Variants in AUTS2 observed in about 807,000 individuals in gnomAD.
AUTS2 encodes the protein activator of transcription and developmental regulator AUTS2.
In AUTS2, 17 loss-of-function variants were observed where a neutral mutation model predicts 112.4. The ratio of observed to expected loss-of-function variants is 0.15; its 90% CI spans 0.10 to 0.23. The LOEUF (loss-of-function observed/expected upper bound fraction) is 0.23. Ranked by LOEUF, AUTS2 falls within the 10% of genes least tolerant of loss-of-function variation. AUTS2 has a pLI of 1.00. For missense variants in AUTS2, 1,510 were observed against 1,701.6 expected (o/e 0.89, Z 1.98); for synonymous variants, 751 against 702.7 (o/e 1.07, Z -1.09).
intron 4 of AUTS2, among the ~76,000 whole-genome samples, chr7:70,407,138 G>A (rs905081646): frequency 1.3e-5 from 2 of 152,236 alleles, no homozygotes; most frequent in African/African-American, 4.8e-5. Context: ...GGACCCAGTT[G>A]ATAGCTGCTG....
At chr7:70,496,849 TCACA>T (rs1245890026) in intron 5 of AUTS2, among the ~76,000 whole-genome samples, 3 of 67,642 alleles carry the variant, frequency 4.4e-5, no homozygotes, top group Admixed American at 1.8e-4. Context: ...ACGTACACAG[TCACA>T]CACACACACA....
intron 1 of AUTS2, among the ~76,000 whole-genome samples, chr7:69,799,456 C>G (rs1199978243): frequency 6.6e-6 from 1 of 152,104 alleles, no homozygotes; most frequent in Non-Finnish European, 1.5e-5. Context: ...TCTCCAGGTG[C>G]CTCTGAGGTC....
intron 1 of AUTS2, among the ~76,000 whole-genome samples, chr7:69,758,584 GA>G (rs1308662098): frequency 6.6e-6 from 1 of 152,174 alleles, no homozygotes; most frequent in Non-Finnish European, 1.5e-5. Context: ...TTCACTGAAA[GA>G]AATGTTCACA....
intron 2 of AUTS2, among the ~76,000 whole-genome samples, chr7:70,034,004 TG>T (rs1800893492): frequency 6.6e-6 from 1 of 152,190 alleles, no homozygotes; most frequent in East Asian, 1.9e-4. Flanking sequence ...TTAGAGGTGA[TG>T]GGTATGCTAA....
intron 1 of AUTS2, among the ~76,000 whole-genome samples, chr7:69,820,586 G>A (rs1365043595): frequency 1.3e-5 from 2 of 152,218 alleles, no homozygotes; most frequent in Non-Finnish European, 2.9e-5. Flanking sequence ...AGGGCACAGC[G>A]AAGGAGAGAA....
rs139737224 is a variant in AUTS2, at chr7:70,166,974, A to G, written c.660+32403A>G. 1.3e-3 allele frequency among the ~76,000 whole-genome samples: 200 copies of G among 152,282 alleles called. 6 individuals are homozygous for G. In the East Asian group the frequency reaches 0.036, roughly 27 times the overall value. On this transcript the variant is annotated intron_variant, in intron 4 of 18. Coordinates refer to ENST00000342771, the MANE Select transcript of AUTS2 (RefSeq NM_015570.4). The stretch of plus-strand genomic sequence containing the variant: ...ACTGGAGTGGTCTGGGCTTATGCTT[A>G]TAATCTGAGCACTTTAGAAGTCGGC...
chr7:69,908,406 A>G (rs1168823483), intron 2 of AUTS2, among the ~76,000 whole-genome samples: 2 of 152,260 alleles, frequency 1.3e-5, no homozygotes, highest in African/African-American at 2.4e-5. Flanking sequence ...TCAGGCAGAT[A>G]TAACTTTGTT....
intron 6 of AUTS2, among the ~76,000 whole-genome samples, chr7:70,726,638 G>A (rs190075824): frequency 6.6e-6 from 1 of 152,274 alleles, no homozygotes; most frequent in Non-Finnish European, 1.5e-5. Flanking sequence ...TTTTTGAGAA[G>A]AGAAGATAAC....
rs1239448558 is a variant in AUTS2 at position 70,659,692 on chromosome 7, T to C, written c.691-38877T>C. On this transcript the variant is annotated intron_variant, in intron 5 of 18. Transcript: ENST00000342771. ...TGGGAAAAAAAGAGATCAGAGTCCC[T>C]GCCTTTGTGGCGCTTCTTTATTTTC... Among the ~76,000 whole-genome samples, 5 of 152,364 alleles carry C rather than the reference T, an allele frequency of 3.3e-5. No individual in the cohort carries two copies. In the East Asian group the frequency reaches 9.6e-4, roughly 29 times the overall value.
chr7:70,530,564 C>T (rs994780436), intron 5 of AUTS2, among the ~76,000 whole-genome samples: 2 of 152,132 alleles, frequency 1.3e-5, no homozygotes, highest in East Asian at 3.8e-4. Flanking sequence ...ATAGCAGAGC[C>T]GACAAGGGTT....
intron 4 of AUTS2, among the ~76,000 whole-genome samples, chr7:70,223,242 G>A (rs1248021924): frequency 6.6e-6 from 1 of 152,084 alleles, no homozygotes; most frequent in African/African-American, 2.4e-5. Flanking sequence ...CTTCCTATGT[G>A]TTTGTGACAC....
intron 1 of AUTS2, among the ~76,000 whole-genome samples, chr7:69,801,929 GATT>G (rs760056953): frequency 1.4e-3 from 211 of 152,310 alleles, no homozygotes; most frequent in Admixed American, 2.4e-3. Flanking sequence ...TGCAATTTTA[GATT>G]CAGTGGCCAG....
At chr7:70,118,880 G>A (rs1232188513) in intron 3 of AUTS2, 1 of 151,962 alleles carries the variant, frequency 6.6e-6, no homozygotes, top group African/African-American at 2.4e-5. Flanking sequence ...GATTTTCATT[G>A]TTCTCTAGTC....
At chr7:70,624,015 G>A (rs1563083349) in intron 5 of AUTS2, among the ~76,000 whole-genome samples, 1 of 152,354 alleles carries the variant, frequency 6.6e-6, no homozygotes, top group East Asian at 1.9e-4. Context: ...CATCAGGTTA[G>A]ACTACCAGGG....
At chr7:70,435,679 G>T in intron 4 of AUTS2, 73 bp from the exon 5 acceptor site, 1 of 1,481,694 alleles carries the variant, frequency 6.7e-7, no homozygotes, top group South Asian at 1.1e-5. Flanking sequence ...ATGGGGGTTG[G>T]GGGAGGAGGC....
chr7:70,354,410 A>G (rs1791899553), intron 4 of AUTS2, among the ~76,000 whole-genome samples: 1 of 152,238 alleles, frequency 6.6e-6, no homozygotes. Flanking sequence ...ATAATAGTAC[A>G]AGTTCCAACT....
intron 4 of AUTS2, among the ~76,000 whole-genome samples, chr7:70,254,777 C>G (rs529121749): frequency 1.9e-4 from 29 of 152,266 alleles, no homozygotes; most frequent in African/African-American, 6.7e-4. Context: ...CAGTCTAGAA[C>G]AGATGGTTCT....
At chr7:70,450,016 G>A (rs1796466104) in intron 5 of AUTS2, among the ~76,000 whole-genome samples, 2 of 152,176 alleles carry the variant, frequency 1.3e-5, no homozygotes, top group African/African-American at 4.8e-5. Flanking sequence ...AGGGATTGTG[G>A]TCAACCTGGA....
intron 4 of AUTS2, among the ~76,000 whole-genome samples, chr7:70,180,908 C>T (rs2129580692): frequency 6.6e-6 from 1 of 152,184 alleles, no homozygotes; most frequent in South Asian, 2.1e-4. Flanking sequence ...TTAAATAAAG[C>T]TAGGAAATGT....
Sources: allele counts gnomAD v4.1 joint callset (sites outside exome capture counted in the v4.1 genomes callset), GRCh38; gene constraint gnomAD v4.1.1; transcripts MANE v1.5; gene names NCBI Gene and HGNC (gene_info 2026-07-23, HGNC 2026-07-21).